Variants in GXYLT1 observed in about 807,000 individuals in gnomAD.
GXYLT1 encodes glucoside xylosyltransferase 1.
A neutral mutation model predicts 54.0 loss-of-function variants in GXYLT1; 29 were observed. That is an observed-to-expected ratio of 0.54 (90% CI 0.40 to 0.73). GXYLT1 has a LOEUF of 0.73. GXYLT1 is among the 30% of genes least tolerant of loss of function. GXYLT1 has a pLI of 0.00. For synonymous variants in GXYLT1, 176 were observed against 204.1 expected (o/e 0.86, Z 1.17); for missense variants, 490 against 553.4 (o/e 0.89, Z 1.15).
At position 42,097,624 on chromosome 12, in the gene GXYLT1, G is replaced by A; in HGVS notation, c.989-10C>T. On this transcript the variant is annotated splice_polypyrimidine_tract_variant and intron_variant, in intron 6 of 7. Coordinates refer to ENST00000398675, the MANE Select transcript of GXYLT1 (RefSeq NM_173601.2). ...AAAACAAAAAGGCTTTCTACATAAA[G>A]AAAAGACCAAACAATGAAGCAAATA... 6.3e-7 allele frequency: 1 copy of A among 1,598,598 alleles called. No individual in the cohort carries two copies. Among genetic ancestry groups the A allele is most frequent in the South Asian group, 1.1e-5 (1 of 88,064 alleles).
At chr12:42,094,762 T>A (rs2065346655) in intron 7 of GXYLT1, among the ~76,000 whole-genome samples, 1 of 152,100 alleles carries the variant, frequency 6.6e-6, no homozygotes, top group African/African-American at 2.4e-5. Context: ...ATATTCACAA[T>A]GTATATCACA....
rs966471861 is a variant in GXYLT1 at position 42,143,179 on chromosome 12, T to C, written c.221+1247A>G. 2.6e-5 allele frequency among the ~76,000 whole-genome samples: 4 copies of C among 152,240 alleles called. No individual in the cohort carries two copies. In the South Asian group the frequency reaches 6.2e-4, roughly 24 times the overall value. On this transcript the variant is annotated intron_variant, in intron 1 of 7. Transcript: ENST00000398675. ...TTTCATTCAATATTTAATTAAAATG[T>C]TGCTTCCTTACAATTCTACCCCATA...
At chr12:42,106,229 A>AT (rs2065420371) in intron 4 of GXYLT1, among the ~76,000 whole-genome samples, 160 bp from the exon 5 acceptor site, 1 of 152,208 alleles carries the variant, frequency 6.6e-6, no homozygotes, top group Non-Finnish European at 1.5e-5. Context: ...ACAATAGCAT[A>AT]TATATAAAGA....
intron 1 of GXYLT1, among the ~76,000 whole-genome samples, chr12:42,140,208 G>T (rs1187567765): frequency 1.5e-5 from 2 of 132,328 alleles, no homozygotes; most frequent in African/African-American, 5.6e-5. Flanking sequence ...GGCGGGGGGG[G>T]GGGGACTTCA....
chr12:42,116,494 A>C (rs2065495998), intron 3 of GXYLT1, among the ~76,000 whole-genome samples: 1 of 152,274 alleles, frequency 6.6e-6, no homozygotes, highest in Non-Finnish European at 1.5e-5. Flanking sequence ...TCTCAAAAGA[A>C]GACATTTATG....
At chr12:42,123,246 G>C (rs1168441215) in intron 2 of GXYLT1, among the ~76,000 whole-genome samples, 1 of 152,120 alleles carries the variant, frequency 6.6e-6, no homozygotes, top group Non-Finnish European at 1.5e-5. Context: ...ATTCTATAAA[G>C]TGTTAAATAA....
Position 42,085,855 on chromosome 12 carries a change from C to T in GXYLT1, c.*1931G>A, listed in dbSNP as rs531343727. ...TGTATGGGATTTTAAGATACTTAAG[C>T]AAACAAAAAAATGACAAATGAAGCA... On this transcript the variant is annotated 3_prime_UTR_variant, in exon 8 of 8. Coordinates refer to ENST00000398675, the MANE Select transcript of GXYLT1 (RefSeq NM_173601.2). 2 of 117,648 alleles carry T rather than the reference C, an allele frequency of 1.7e-5. No homozygotes were observed. The highest frequency in any genetic ancestry group is 8.6e-5 in the Admixed American group (1 of 11,620). 7.3% of individuals were successfully genotyped at this position (117,648 alleles called of 1,614,324 possible).
chr12:42,128,986 A>G (rs1200436280), intron 2 of GXYLT1, among the ~76,000 whole-genome samples: 1 of 152,184 alleles, frequency 6.6e-6, no homozygotes, highest in African/African-American at 2.4e-5. Flanking sequence ...TAGACTATTT[A>G]AATGAATCAT....
At chr12:42,127,368 T>C (rs919474368) in intron 2 of GXYLT1, among the ~76,000 whole-genome samples, 1 of 152,114 alleles carries the variant, frequency 6.6e-6, no homozygotes, top group African/African-American at 2.4e-5. Context: ...TTAAATGTAA[T>C]AGCATGATAT....
intron 3 of GXYLT1, among the ~76,000 whole-genome samples, chr12:42,117,705 T>A (rs2065505324): frequency 6.6e-6 from 1 of 152,216 alleles, no homozygotes; most frequent in South Asian, 2.1e-4. Context: ...GTAGTGAGAT[T>A]TCAGGTGAGT....
rs998243422 is a variant in GXYLT1 at position 42,144,258 on chromosome 12, G to C, written c.221+168C>G. ...TAGGACACTCTCAGGCGGGAGCAGC[G>C]CAGGTTTAGCCCCGGCCGGAGGGGA... On this transcript the variant is annotated intron_variant, in intron 1 of 7. Transcript: ENST00000398675. Among the ~76,000 whole-genome samples, 11 of 150,332 alleles carry C rather than the reference G, an allele frequency of 7.3e-5. No individual in the cohort carries two copies. In the Middle Eastern group the frequency reaches 0.01, roughly 141 times the overall value.
chr12:42,143,450 G>A (rs2065662720), intron 1 of GXYLT1, among the ~76,000 whole-genome samples: 1 of 152,058 alleles, frequency 6.6e-6, no homozygotes, highest in Admixed American at 6.5e-5. Context: ...CTTTCATTCT[G>A]GGAATGACCA....
chr12:42,107,616 G>A (rs2065428857), intron 4 of GXYLT1, among the ~76,000 whole-genome samples: 1 of 152,084 alleles, frequency 6.6e-6, no homozygotes, highest in African/African-American at 2.4e-5. Flanking sequence ...GCTTTAGCCT[G>A]AGAGGCAGAG....
At chr12:42,097,795 A>G in intron 6 of GXYLT1, 115 bp downstream of exon 6, 2 of 1,010,088 alleles carry the variant, frequency 2.0e-6, no homozygotes, top group Non-Finnish European at 2.9e-6. Context: ...CGTCTTAAAC[A>G]TAAATAGCAA....
rs573041678 is a variant in GXYLT1 at position 42,115,416 on chromosome 12, A to C, written c.486+3584T>G. On this transcript the variant is annotated intron_variant, in intron 3 of 7. Transcript: ENST00000398675. ...AGCCCAAAAACTCCTCAAGCTGATA[A>C]GCAACTTCAGCAAATTCTCAGGATA... Among the ~76,000 whole-genome samples, 76 of 152,350 alleles carry C rather than the reference A, an allele frequency of 5.0e-4. 1 individual carries two copies. Among genetic ancestry groups the C allele is most frequent in the Non-Finnish European group, 8.8e-4 (60 of 68,018 alleles).
At chr12:42,117,003 T>C (rs1433177032) in intron 3 of GXYLT1, among the ~76,000 whole-genome samples, 1 of 151,402 alleles carries the variant, frequency 6.6e-6, no homozygotes, top group Non-Finnish European at 1.5e-5. Flanking sequence ...CTGGAAACCA[T>C]CATTCTCAGC....
chr12:42,110,195 T>C (rs79326912), intron 3 of GXYLT1, among the ~76,000 whole-genome samples: 2,336 of 152,346 alleles, frequency 0.015, 65 homozygotes, highest in African/African-American at 0.053. Flanking sequence ...ACATAGCCAA[T>C]GCCAATTTTT....
At chr12:42,141,059 G>A (rs1227717430) in intron 1 of GXYLT1, among the ~76,000 whole-genome samples, 2 of 152,098 alleles carry the variant, frequency 1.3e-5, no homozygotes, top group Non-Finnish European at 2.9e-5. Flanking sequence ...TCTCCTTTGA[G>A]GCACCGCTCC....
rs895247723 is a variant in GXYLT1 at position 42,083,198 on chromosome 12, T to A, written c.*4588A>T. 8 of 152,184 alleles carry A rather than the reference T, an allele frequency of 5.3e-5. No homozygotes were observed. Among genetic ancestry groups the A allele is most frequent in the African/African-American group, 1.9e-4 (8 of 41,456 alleles). 9.4% of individuals were successfully genotyped at this position (152,184 alleles called of 1,614,324 possible). On this transcript the variant is annotated 3_prime_UTR_variant, in exon 8 of 8. Transcript: ENST00000398675. ...ACATTAATTTTTTAAAAAAAAATTTTCTGGTACCATTTTTAGACTTCTGTC... is the reference window on the plus strand; with the variant it reads ...ACATTAATTTTTTAAAAAAAAATTTACTGGTACCATTTTTAGACTTCTGTC...
Sources: allele counts gnomAD v4.1 joint callset (sites outside exome capture counted in the v4.1 genomes callset), GRCh38; gene constraint gnomAD v4.1.1; transcripts MANE v1.5; gene names NCBI Gene and HGNC (gene_info 2026-07-23, HGNC 2026-07-21).